The following SLFN12L variants were observed in gnomAD, a reference collection of about 807,000 sequenced individuals.
SLFN12L encodes the protein schlafen family member 12-like.
SLFN12L carries 34 observed loss-of-function variants against 34.8 expected under a neutral mutation model. The ratio of observed to expected loss-of-function variants is 0.98; its 90% CI spans 0.74 to 1.30. SLFN12L has a LOEUF of 1.30. Among genes scored for constraint, SLFN12L ranks in the 50% most tolerant of loss-of-function variants. The pLI, the probability that SLFN12L is intolerant of heterozygous loss-of-function variation, is 0.00. For missense variants in SLFN12L, 703 were observed against 696.2 expected, an observed-to-expected ratio of 1.01 and a Z score of -0.11; for synonymous variants, 259 against 247.5, an observed-to-expected ratio of 1.05 and a Z score of -0.44.
chr17:35,499,004 C>T, intron 2 of SLFN12L: 1 of 709,354 alleles, frequency 1.4e-6, no homozygotes, highest in Non-Finnish European at 2.6e-6. Context: ...GCTTCTATAA[C>T]ACCTAGCAGC....
chr17:35,479,041 TA>T, intron 3 of SLFN12L, 75 bp downstream of exon 3: 1 of 1,118,088 alleles, frequency 8.9e-7, no homozygotes, highest in African/African-American at 1.6e-5. Context: ...ATCTTGTCCC[TA>T]ATCCCAAAGA....
intron 2 of SLFN12L, among the ~76,000 whole-genome samples, chr17:35,518,173 C>T (rs1915890411): frequency 6.6e-6 from 1 of 152,152 alleles, no homozygotes; most frequent in South Asian, 2.1e-4. Flanking sequence ...CCAGGATCTA[C>T]AAGGAACTTA....
intron 4 of SLFN12L, among the ~76,000 whole-genome samples, chr17:35,476,484 AG>A (rs1914018868): frequency 1.4e-5 from 2 of 143,514 alleles, no homozygotes; most frequent in Non-Finnish European, 3.0e-5. Context: ...GAAGGAAGGA[AG>A]GAAGGAAGGA....
rs1472140647 is a variant in SLFN12L, at chr17:35,469,097, G to A, written c.*5826C>T. Among the ~76,000 whole-genome samples, 1 of 151,194 alleles carries A rather than the reference G, an allele frequency of 6.6e-6. No individual in the cohort carries two copies. Among genetic ancestry groups the A allele is most frequent in the South Asian group, 2.1e-4 (1 of 4,774 alleles). On this transcript the variant is annotated 3_prime_UTR_variant, in exon 5 of 5. Transcript: ENST00000628453. ...TCCTGAGTCAATCCCTCAACCCACT[G>A]GGAAGAGGACCACTAACTCCCCAGT...
At position 35,466,368 on chromosome 17, in the gene SLFN12L, G is replaced by GT. The variant is rs980298468; in HGVS notation, c.*8554_*8555insA. ...ATCATTTTACTGTCTCCATAATCTT[G>GT]CCTTTTACAGAATGTCATATAGTTG... On this transcript the variant is annotated 3_prime_UTR_variant, in exon 5 of 5. Transcript: ENST00000628453. Among the ~76,000 whole-genome samples, 26 of 152,094 alleles carry GT rather than the reference G, an allele frequency of 1.7e-4. No homozygotes were observed. Among genetic ancestry groups the GT allele is most frequent in the African/African-American group, 6.3e-4 (26 of 41,474 alleles).
At chr17:35,535,939 A>G (rs933793869) in intron 1 of SLFN12L, among the ~76,000 whole-genome samples, 11 of 151,572 alleles carry the variant, frequency 7.3e-5, no homozygotes, top group Admixed American at 1.3e-4. Flanking sequence ...TACAGGCGTG[A>G]GCCACCACAC....
At chr17:35,531,511 T>A (rs2072410757) in intron 1 of SLFN12L, among the ~76,000 whole-genome samples, 1 of 152,254 alleles carries the variant, frequency 6.6e-6, no homozygotes, top group Non-Finnish European at 1.5e-5. Context: ...CTTTAAAGTT[T>A]TAATGTTTAT....
chr17:35,522,645 A>G lies in SLFN12L; in HGVS notation c.-281T>C. On this transcript the variant is annotated 5_prime_UTR_variant, in exon 2 of 5. Coordinates refer to ENST00000628453, the MANE Select transcript of SLFN12L (RefSeq NM_001363830.2). ...CCTCCAAAGCCTCTGCGCTGCTCTC[A>G]GGACTCAGGCAGAGGACCTTGGCCC... 2 of 1,613,908 alleles carry G rather than the reference A, an allele frequency of 1.2e-6. No individual in the cohort carries two copies. Among genetic ancestry groups the G allele is most frequent in the East Asian group, 4.5e-5 (2 of 44,884 alleles).
At position 35,465,741 on chromosome 17, in the gene SLFN12L, C is replaced by G. The variant is rs896406501; in HGVS notation, c.*9182G>C. Among the ~76,000 whole-genome samples the G allele has an allele frequency of 1.3e-5, 2 of 149,508 alleles. No homozygotes were observed. The highest frequency in any genetic ancestry group is 4.9e-5 in the African/African-American group (2 of 40,436). The stretch of plus-strand genomic sequence containing the variant: ...AACATTATTGCTGTGGTCTTGTCGA[C>G]TAGGGCCTCATAGCCAGTATCTAGT... On this transcript the variant is annotated 3_prime_UTR_variant, in exon 5 of 5. Coordinates refer to ENST00000628453, the MANE Select transcript of SLFN12L (RefSeq NM_001363830.2).
chr17:35,482,958 G>C (rs1166788335), intron 2 of SLFN12L, among the ~76,000 whole-genome samples: 1 of 152,124 alleles, frequency 6.6e-6, no homozygotes, highest in African/African-American at 2.4e-5. Context: ...AGCAGGGGCA[G>C]AGGAGGAAGA....
rs1241811706 is a variant in SLFN12L, at chr17:35,464,254, T to G, written c.*10669A>C. 6.6e-6 allele frequency: 1 copy of G among 152,136 alleles called. No individual in the cohort carries two copies. The highest frequency in any genetic ancestry group is 1.5e-5 in the Non-Finnish European group (1 of 68,028). The allele number at this position is 152,136 out of a possible 1,614,324, so 9.4% of individuals were successfully genotyped here. ...AAAAAAAATAACCAACTGAATTATA[T>G]GTAGATAAAATTTTTGTTAATTTTT... On this transcript the variant is annotated 3_prime_UTR_variant, in exon 5 of 5. Transcript: ENST00000628453.
intron 2 of SLFN12L, among the ~76,000 whole-genome samples, chr17:35,503,795 T>C (rs1191657935): frequency 8.6e-5 from 13 of 151,982 alleles, no homozygotes; most frequent in Admixed American, 6.6e-4. Flanking sequence ...CTGAAGATCA[T>C]GTTCTCATCA....
intron 4 of SLFN12L, 95 bp from the exon 5 acceptor site, chr17:35,475,580 C>T: frequency 6.9e-7 from 1 of 1,444,082 alleles, no homozygotes; most frequent in Non-Finnish European, 9.1e-7. Context: ...ATTCTCCCAC[C>T]AAAAGCAACT....
At chr17:35,519,990 ACAT>A (rs915413960) in intron 2 of SLFN12L, among the ~76,000 whole-genome samples, 57 of 152,322 alleles carry the variant, frequency 3.7e-4, no homozygotes, top group African/African-American at 1.3e-3. Flanking sequence ...GTTAAAATAA[ACAT>A]CATAAGACCG....
intron 1 of SLFN12L, among the ~76,000 whole-genome samples, chr17:35,531,341 G>A (rs996649255): frequency 6.6e-6 from 1 of 152,136 alleles, no homozygotes; most frequent in East Asian, 1.9e-4. Context: ...ATAGACTTCT[G>A]AGCAGGAAAT....
In SLFN12L at chr17:35,469,304, AAT is replaced by A. The variant is rs200345778; in HGVS notation, c.*5617_*5618del. 0.042 allele frequency among the ~76,000 whole-genome samples: 5,824 copies of A among 139,264 alleles called. 237 individuals carry two copies. Among genetic ancestry groups the A allele is most frequent in the East Asian group, 0.15 (763 of 5,016 alleles). The allele number at this position is 139,264 out of a possible 152,430, so 91.4% of individuals were successfully genotyped here. ...TTTTATATAAAATATATATATATAA[AAT>A]ATATATATATTATATATATAAATAT... On this transcript the variant is annotated 3_prime_UTR_variant, in exon 5 of 5. Transcript: ENST00000628453.
At chr17:35,531,699 C>A (rs1160537262) in intron 1 of SLFN12L, among the ~76,000 whole-genome samples, 1 of 152,294 alleles carries the variant, frequency 6.6e-6, no homozygotes, top group Non-Finnish European at 1.5e-5. Flanking sequence ...TCACTGCAAC[C>A]TCCATCTCGC....
intron 2 of SLFN12L, among the ~76,000 whole-genome samples, chr17:35,512,568 G>T (rs1181229338): frequency 6.6e-6 from 1 of 152,008 alleles, no homozygotes; most frequent in African/African-American, 2.4e-5. Flanking sequence ...GGGTTTCACT[G>T]TGTTAGCCAG....
In SLFN12L at chr17:35,522,386, C is replaced by A. The variant is rs1916024766; in HGVS notation, c.-22G>T. 13 of 1,614,060 alleles carry A rather than the reference C, an allele frequency of 8.1e-6. 1 individual carries two copies. The South Asian group carries it at 1.4e-4, about 18-fold the overall frequency. The stretch of plus-strand genomic sequence containing the variant: ...CCATGATCTTCATGGCCATGATGGT[C>A]TTTCCTAAGCCAGGTAAGCCATGGA... On this transcript the variant is annotated 5_prime_UTR_variant, in exon 2 of 5. Transcript: ENST00000628453.
Sources: allele counts gnomAD v4.1 joint callset (sites outside exome capture counted in the v4.1 genomes callset), GRCh38; gene constraint gnomAD v4.1.1; transcripts MANE v1.5; gene names NCBI Gene and HGNC (gene_info 2026-07-23, HGNC 2026-07-21).